The following SHISAL2A variants were observed in gnomAD, a reference collection of about 807,000 sequenced individuals.
SHISAL2A encodes shisa like 2A, also known as protein shisa-like-2A.
In SHISAL2A, 18 loss-of-function variants were observed where a neutral mutation model predicts 11.5. The ratio of observed to expected loss-of-function variants is 1.57; its 90% confidence interval spans 1.08 to 2.33. The LOEUF (loss-of-function observed/expected upper bound fraction) is 2.33. SHISAL2A is among the 30% of genes most tolerant of loss of function. The pLI is 0.00. For missense variants in SHISAL2A, 261 were observed against 250.9 expected, an observed-to-expected ratio of 1.04 and a Z score of -0.27; for synonymous variants, 94 against 99.6, an observed-to-expected ratio of 0.94 and a Z score of 0.34.
chr1:52,662,706 A>T (rs1316061027), intron 4 of SHISAL2A, among the ~76,000 whole-genome samples: 1 of 151,826 alleles, frequency 6.6e-6, no homozygotes, highest in Non-Finnish European at 1.5e-5. Flanking sequence ...GGACAAGTAG[A>T]TCTCTCTAGC....
At chr1:52,661,411 C>T (rs1404630614), downstream of SHISAL2A, among the ~76,000 whole-genome samples, 1 of 152,186 alleles carries the variant, frequency 6.6e-6, no homozygotes, top group Non-Finnish European at 1.5e-5. Context: ...AGACATCTGT[C>T]CTCCGGTCAG....
intron 2 of SHISAL2A, among the ~76,000 whole-genome samples, chr1:52,643,844 C>T (rs1348774755): frequency 2.3e-5 from 3 of 130,896 alleles, no homozygotes; most frequent in Non-Finnish European, 4.8e-5. Flanking sequence ...CAGAGTGAGA[C>T]TGTCTCAGAA....
chr1:52,652,003 TA>T (rs944564643), intron 2 of SHISAL2A, among the ~76,000 whole-genome samples: 1 of 152,200 alleles, frequency 6.6e-6, no homozygotes, highest in African/African-American at 2.4e-5. Flanking sequence ...CAAGGTCTTG[TA>T]ACTCCTGGAA....
intron 1 of SHISAL2A, 73 bp from the exon 2 acceptor site, chr1:52,642,790 A>T: frequency 6.8e-7 from 1 of 1,474,208 alleles, no homozygotes; most frequent in Non-Finnish European, 9.4e-7. Context: ...TAGCCTAGCT[A>T]CAACACTTTT....
rs1691405756 is a variant in SHISAL2A, at chr1:52,643,013, T to C, written c.322+11T>C. 1 of 1,613,770 alleles carries C rather than the reference T, an allele frequency of 6.2e-7. No individual in the cohort carries two copies. ...GCTTACAGACAGCAGGTAAGGAAGT[T>C]GCCAGGTGATGTCCTTGTATTCGGT... On this transcript the variant is annotated intron_variant, in intron 2 of 2. Transcript: ENST00000517870.
intron 2 of SHISAL2A, among the ~76,000 whole-genome samples, chr1:52,646,884 C>T (rs557770004): frequency 2.6e-5 from 4 of 152,198 alleles, no homozygotes; most frequent in Non-Finnish European, 5.9e-5. Flanking sequence ...GGCTAGAGTG[C>T]GGTGGTGCGA....
At chr1:52,660,994 T>C (rs1691897496), downstream of SHISAL2A, among the ~76,000 whole-genome samples, 1 of 152,154 alleles carries the variant, frequency 6.6e-6, no homozygotes, top group Admixed American at 6.5e-5. Flanking sequence ...TGGTACAAGA[T>C]GAGGAACAGC....
At chr1:52,668,044 G>A (rs558599941) in intron 5 of SHISAL2A, among the ~76,000 whole-genome samples, 6 of 152,320 alleles carry the variant, frequency 3.9e-5, no homozygotes, top group South Asian at 2.1e-4. Context: ...TAGCTAATGT[G>A]TGGGCCCAGA....
rs547231939 is a variant in SHISAL2A at position 52,640,050 on chromosome 1, A to G, written c.183-2813A>G. On this transcript the variant is annotated intron_variant, in intron 1 of 2. Transcript: ENST00000517870. Reference sequence around the variant, plus strand: ...AGTGATCGGCCCACCTTGTCATCCCAAAGTGCTGAGATTACAGGTATGAGC... The same window carrying G: ...AGTGATCGGCCCACCTTGTCATCCCGAAGTGCTGAGATTACAGGTATGAGC... 2.0e-5 allele frequency: 3 copies of G among 152,330 alleles called. No individual in the cohort carries two copies. In the South Asian group the frequency reaches 6.2e-4, roughly 32 times the overall value. The allele number at this position is 152,330 out of a possible 1,614,324, so 9.4% of individuals were successfully genotyped here. A position where few individuals can be genotyped will look rare whatever the true frequency, so the allele number is the denominator to read the frequency against.
At chr1:52,640,839 C>G (rs1691348290) in intron 1 of SHISAL2A, among the ~76,000 whole-genome samples, 1 of 152,118 alleles carries the variant, frequency 6.6e-6, no homozygotes, top group Admixed American at 6.5e-5. Context: ...TCCTGGAGAG[C>G]CTTAGGATGG....
intron 4 of SHISAL2A, among the ~76,000 whole-genome samples, chr1:52,666,824 G>A (rs931654882): frequency 3.9e-5 from 6 of 152,216 alleles, no homozygotes; most frequent in African/African-American, 1.4e-4. Flanking sequence ...ATCAAGGGCA[G>A]CTGGGCACGG....
At chr1:52,653,722 G>A (rs1289498089) in intron 2 of SHISAL2A, among the ~76,000 whole-genome samples, 1 of 152,006 alleles carries the variant, frequency 6.6e-6, no homozygotes, top group East Asian at 1.9e-4. Context: ...ACTCAACATA[G>A]TAAACATAAA....
chr1:52,665,118 A>G (rs1286292206), intron 4 of SHISAL2A, among the ~76,000 whole-genome samples: 2 of 152,206 alleles, frequency 1.3e-5, no homozygotes, highest in African/African-American at 4.8e-5. Context: ...CAGATGTGAA[A>G]GGACTTTGGA....
At position 52,646,885 on chromosome 1, in the gene SHISAL2A, G is replaced by A. The variant is rs575939738; in HGVS notation, c.322+3883G>A. Among the ~76,000 whole-genome samples, 7 of 151,988 alleles carry A rather than the reference G, an allele frequency of 4.6e-5. No homozygotes were observed. The East Asian group carries it at 5.8e-4, about 13-fold the overall frequency. Reference sequence around the variant, plus strand: ...TGCTCTGTCGCCCAGGCTAGAGTGCGGTGGTGCGATCTCAGCTCACTGCCA... The same window carrying A: ...TGCTCTGTCGCCCAGGCTAGAGTGCAGTGGTGCGATCTCAGCTCACTGCCA... On this transcript the variant is annotated intron_variant, in intron 2 of 2. Coordinates refer to ENST00000517870, the MANE Select transcript of SHISAL2A (RefSeq NM_001042693.3).
chr1:52,665,937 CAT>C (rs1349961505), intron 4 of SHISAL2A, among the ~76,000 whole-genome samples: 1 of 152,174 alleles, frequency 6.6e-6, no homozygotes, highest in Non-Finnish European at 1.5e-5. Context: ...TGTGAGCTCA[CAT>C]GTGTGAACAT....
intron 1 of SHISAL2A, among the ~76,000 whole-genome samples, chr1:52,636,832 C>G (rs1001231308): frequency 6.6e-6 from 1 of 152,216 alleles, no homozygotes; most frequent in Non-Finnish European, 1.5e-5. Context: ...CAAGCCCTGG[C>G]TTGTCCTGTC....
chr1:52,669,456 A>T (rs1309062626), exon 6 of SHISAL2A: 1 of 152,110 alleles, frequency 6.6e-6, no homozygotes, highest in Non-Finnish European at 1.5e-5. Flanking sequence ...ATGTGAGGCC[A>T]GGAGTTCGAG....
rs764536677 is a variant in SHISAL2A, at chr1:52,642,923, C to T, written c.243C>T (p.Thr81=). ...TGGTTCTTCTCGCCTTCATTGTTAC[C>T]GCCTGTGTGCTCTGCTACCTGTTCA... ...AAVVLLAFIV[T]ACVLCYLFIS... is the part of the protein sequence containing the mutation. Residue 81 remains threonine (T), a synonymous_variant, in exon 2 of 3, where the codon ACC becomes ACT. Coordinates refer to ENST00000517870, the MANE Select transcript of SHISAL2A (RefSeq NM_001042693.3). 19 of 1,614,014 alleles carry T rather than the reference C, an allele frequency of 1.2e-5. No individual in the cohort carries two copies. Among genetic ancestry groups the T allele is most frequent in the African/African-American group, 1.3e-5 (1 of 75,028 alleles).
At chr1:52,666,923 CT>C (rs1692024639) in intron 4 of SHISAL2A, among the ~76,000 whole-genome samples, 1 of 152,208 alleles carries the variant, frequency 6.6e-6, no homozygotes, top group African/African-American at 2.4e-5. Context: ...CACTGCTAGG[CT>C]CTTGCCCCAT....
Sources: allele counts gnomAD v4.1 joint callset (sites outside exome capture counted in the v4.1 genomes callset), GRCh38; gene constraint gnomAD v4.1.1; transcripts MANE v1.5; gene names NCBI Gene and HGNC (gene_info 2026-07-23, HGNC 2026-07-21).